The following RPS6KC1 variants were observed in gnomAD, a reference collection of about 807,000 sequenced individuals.
The protein encoded by RPS6KC1 is ribosomal protein S6 kinase C1.
RPS6KC1 carries 54 observed loss-of-function variants against 103.8 expected under a neutral mutation model. The observed-to-expected ratio is 0.52, with a 90% CI of 0.42 to 0.65. The LOEUF (loss-of-function observed/expected upper bound fraction) is 0.65. Among genes scored for constraint, RPS6KC1 ranks in the 30% least tolerant of loss-of-function variants. The pLI, the probability that RPS6KC1 is intolerant of heterozygous loss-of-function variation, is 0.00. For synonymous variants in RPS6KC1, 439 were observed against 438.7 expected (o/e 1.00, Z -0.01); for missense variants, 1,151 against 1,253.8 (o/e 0.92, Z 1.24).
At chr1:213,144,813 A>G (rs565507842) in intron 6 of RPS6KC1, among the ~76,000 whole-genome samples, 127 of 152,216 alleles carry the variant, frequency 8.3e-4, no homozygotes, top group African/African-American at 2.9e-3. Flanking sequence ...GCAGAGGTTC[A>G]CGCCTGTAAT....
the RPS6KC1 span, among the ~76,000 whole-genome samples, chr1:213,595,184 G>A: frequency 3.9e-5 from 6 of 152,206 alleles, no homozygotes; most frequent in East Asian, 1.9e-4. Flanking sequence ...CAAGGTAAAC[G>A]CCACCATTAT....
chr1:213,454,500 G>A, the RPS6KC1 span, among the ~76,000 whole-genome samples: 2 of 152,166 alleles, frequency 1.3e-5, no homozygotes, highest in Non-Finnish European at 2.9e-5. Context: ...GGCACACACA[G>A]GTGTAATTCA....
the RPS6KC1 span, among the ~76,000 whole-genome samples, chr1:213,351,307 G>A: frequency 2.0e-5 from 3 of 152,190 alleles, no homozygotes; most frequent in Non-Finnish European, 4.4e-5. Flanking sequence ...AGACACAGAT[G>A]AAGTCTATAA....
the RPS6KC1 span, among the ~76,000 whole-genome samples, chr1:213,337,828 G>GT: frequency 1.3e-5 from 2 of 152,156 alleles, no homozygotes; most frequent in African/African-American, 4.8e-5. Context: ...CTCGTGCAGC[G>GT]TATCATGCTG....
the RPS6KC1 span, among the ~76,000 whole-genome samples, chr1:213,526,189 A>G: frequency 6.6e-6 from 1 of 152,156 alleles, no homozygotes; most frequent in Admixed American, 6.5e-5. Context: ...TAAACGTGTG[A>G]TCGATTGAAT....
At chr1:213,090,913 T>C (rs2080899843) in intron 3 of RPS6KC1, among the ~76,000 whole-genome samples, 1 of 152,254 alleles carries the variant, frequency 6.6e-6, no homozygotes, top group South Asian at 2.1e-4. Context: ...TGGTTTATGT[T>C]TTTACAAATC....
Position 213,129,722 on chromosome 1 carries a change from G to A in RPS6KC1, c.668G>A (p.Arg223His), listed in dbSNP as rs765284722. Residue 223 changes from arginine to histidine, a missense_variant, in exon 6 of 15, where the codon CGT (arginine) becomes CAT (histidine). Arg to His is a conservative substitution (Grantham distance 29). Transcript: ENST00000366960. ...QSKTEEERESRSLFPGSLKPK... is the reference protein window; with the variant it reads ...QSKTEEERESHSLFPGSLKPK... ...AAAACAGAAGAAGAACGGGAAAGTCGTAGCCTCTTTCCTGGCAGTTTAAAG... is the reference window on the plus strand; with the variant it reads ...AAAACAGAAGAAGAACGGGAAAGTCATAGCCTCTTTCCTGGCAGTTTAAAG... 12 of 1,614,068 alleles carry A rather than the reference G, an allele frequency of 7.4e-6. No individual in the cohort carries two copies. In the East Asian group the frequency reaches 1.1e-4, roughly 15 times the overall value.
chr1:213,840,498 A>G, the RPS6KC1 span: 8 of 152,210 alleles, frequency 5.3e-5, no homozygotes, highest in African/African-American at 1.9e-4. Context: ...AGGCATCCAC[A>G]TGATCTCACC....
intron 6 of RPS6KC1, among the ~76,000 whole-genome samples, chr1:213,133,770 C>G (rs1342871711): frequency 6.6e-6 from 1 of 152,100 alleles, no homozygotes; most frequent in African/African-American, 2.4e-5. Context: ...GCAATTTGCT[C>G]AAGGACACAA....
chr1:213,104,360 G>A, intron 3 of RPS6KC1, 94 bp from the exon 4 acceptor site: 1 of 727,596 alleles, frequency 1.4e-6, no homozygotes, highest in Non-Finnish European at 2.3e-6. Flanking sequence ...CTAAGTGATA[G>A]GCCTGCTGCT....
At chr1:213,537,237 G>T in the RPS6KC1 span, among the ~76,000 whole-genome samples, 3 of 152,102 alleles carry the variant, frequency 2.0e-5, no homozygotes, top group African/African-American at 4.8e-5. Context: ...TCTCTGGGTT[G>T]GCCACTCCTG....
intron 6 of RPS6KC1, among the ~76,000 whole-genome samples, chr1:213,160,605 G>A (rs1345123661): frequency 6.6e-6 from 1 of 152,118 alleles, no homozygotes; most frequent in Non-Finnish European, 1.5e-5. Context: ...TAGGCATGAA[G>A]GTATTGTTAT....
the RPS6KC1 span, among the ~76,000 whole-genome samples, chr1:213,841,787 G>A: frequency 6.6e-6 from 1 of 152,220 alleles, no homozygotes; most frequent in Admixed American, 6.5e-5. Flanking sequence ...AGTGAAGGAG[G>A]GCTTATGAAG....
At chr1:213,322,037 A>G in the RPS6KC1 span, among the ~76,000 whole-genome samples, 7,119 of 152,180 alleles carry the variant, frequency 0.047, 216 homozygotes, top group East Asian at 0.074. Context: ...CCAGCATGGT[A>G]TCTCATGCCT....
chr1:213,633,111 TG>T, the RPS6KC1 span, among the ~76,000 whole-genome samples: 2 of 152,162 alleles, frequency 1.3e-5, no homozygotes, highest in Admixed American at 6.6e-5. Context: ...GAAACCAAGT[TG>T]GAAAACACTC....
At chr1:213,462,931 A>G in the RPS6KC1 span, among the ~76,000 whole-genome samples, 18 of 152,232 alleles carry the variant, frequency 1.2e-4, no homozygotes, top group African/African-American at 4.3e-4. Context: ...TCAGATACCA[A>G]TTTGCAAATT....
At chr1:213,625,844 C>G in the RPS6KC1 span, among the ~76,000 whole-genome samples, 104,560 of 151,922 alleles carry the variant, frequency 0.69, 36,312 homozygotes, top group African/African-American at 0.8. Context: ...GGACATTTGG[C>G]TTGGTTCCAA....
the RPS6KC1 span, among the ~76,000 whole-genome samples, chr1:213,419,290 G>C: frequency 6.6e-6 from 1 of 152,216 alleles, no homozygotes; most frequent in Non-Finnish European, 1.5e-5. Flanking sequence ...GGTTTTGTCT[G>C]CTCTCAAAGG....
chr1:213,472,147 C>T, the RPS6KC1 span, among the ~76,000 whole-genome samples: 4 of 152,194 alleles, frequency 2.6e-5, no homozygotes, highest in East Asian at 3.9e-4. Context: ...TATTGTTACC[C>T]GATATTTCTT....
Sources: gnomAD v4.1 joint callset for allele counts (sites outside exome capture counted in the v4.1 genomes callset) on GRCh38, gnomAD v4.1.1 for gene constraint, MANE v1.5 for transcripts, NCBI Gene and HGNC (gene_info 2026-07-23, HGNC 2026-07-21) for gene names.